Variants in GPI observed in about 807,000 individuals in gnomAD.
GPI encodes the protein glucose-6-phosphate isomerase, also known as D-hexose-6-phosphate anomerase.
In GPI, 56 loss-of-function variants were observed where a neutral mutation model predicts 75.8. That is an observed-to-expected ratio of 0.74 (90% confidence interval 0.60 to 0.92). The LOEUF (loss-of-function observed/expected upper bound fraction) is 0.92. GPI is among the 40% of genes least tolerant of loss of function. The pLI is 0.00. For synonymous variants in GPI, 288 were observed against 285.4 expected (o/e 1.01, Z -0.09); for missense variants, 638 against 741.0 (o/e 0.86, Z 1.61).
At chr19:34,380,138 A>G (rs1488382839) in intron 8 of GPI, among the ~76,000 whole-genome samples, 1 of 150,864 alleles carries the variant, frequency 6.6e-6, no homozygotes, top group Non-Finnish European at 1.5e-5. Flanking sequence ...CTGGGATTAC[A>G]GGTGCACGCC....
intron 3 of GPI, among the ~76,000 whole-genome samples, chr19:34,368,051 C>T (rs1424966705): frequency 6.6e-6 from 1 of 152,174 alleles, no homozygotes; most frequent in African/African-American, 2.4e-5. Flanking sequence ...TCCTGAGTAG[C>T]TGGAACTACA....
chr19:34,376,103 G>A (rs1403725896), intron 4 of GPI, among the ~76,000 whole-genome samples: 2 of 152,216 alleles, frequency 1.3e-5, no homozygotes, highest in African/African-American at 4.8e-5. Flanking sequence ...AGTTGGTGGT[G>A]AGTGTGGCAG....
chr19:34,366,113 AG>A (rs1568324061), intron 1 of GPI: 1 of 692,738 alleles, frequency 1.4e-6, no homozygotes, highest in South Asian at 1.5e-5. Flanking sequence ...CTCCTCATCC[AG>A]GGTCTGCCTG....
chr19:34,372,843 G>A (rs1186902172), intron 4 of GPI, among the ~76,000 whole-genome samples: 3 of 151,924 alleles, frequency 2.0e-5, no homozygotes, highest in Non-Finnish European at 2.9e-5. Context: ...GCCTGATCTC[G>A]GTTCACTGCA....
At chr19:34,365,851 G>A in intron 1 of GPI, 1 of 470,874 alleles carries the variant, frequency 2.1e-6, no homozygotes. Flanking sequence ...GGATGGAGAC[G>A]TCGGGCGTGA....
intron 4 of GPI, 105 bp from the exon 5 acceptor site, chr19:34,377,398 C>G: frequency 1.4e-6 from 1 of 723,248 alleles, no homozygotes; most frequent in South Asian, 1.5e-5. Flanking sequence ...CCTGCGAGGG[C>G]CTGAAAGCTG....
intron 9 of GPI, among the ~76,000 whole-genome samples, chr19:34,387,585 T>G (rs1206724016): frequency 1.3e-5 from 2 of 151,890 alleles, no homozygotes; most frequent in African/African-American, 4.9e-5. Context: ...CCAGGCTCAG[T>G]GCTGGTATGT....
chr19:34,396,538 C>G, intron 13 of GPI, 43 bp from the exon 14 acceptor site: 1 of 1,611,142 alleles, frequency 6.2e-7, no homozygotes, highest in Middle Eastern at 1.7e-4. Context: ...TGGCTAGCTC[C>G]CATGGGCTGG....
chr19:34,361,167 T>C (rs1199649177), upstream of GPI, among the ~76,000 whole-genome samples: 2 of 151,978 alleles, frequency 1.3e-5, no homozygotes, highest in Non-Finnish European at 2.9e-5. Context: ...TTCAGCTCAC[T>C]GTAAGCTCTG....
At chr19:34,361,757 G>A (rs1258894394), upstream of GPI, among the ~76,000 whole-genome samples, 1 of 151,910 alleles carries the variant, frequency 6.6e-6, no homozygotes, top group Non-Finnish European at 1.5e-5. Flanking sequence ...GAGGTGGGTG[G>A]ATTACCTTAG....
intron 3 of GPI, among the ~76,000 whole-genome samples, chr19:34,368,104 A>C (rs557965424): frequency 3.3e-5 from 5 of 152,116 alleles, no homozygotes; most frequent in Non-Finnish European, 7.4e-5. Context: ...TATTTTTAGT[A>C]GAGACAGGAT....
chr19:34,377,952 C>A, intron 6 of GPI, 71 bp downstream of exon 6: 1 of 1,530,404 alleles, frequency 6.5e-7, no homozygotes, highest in Non-Finnish European at 9.1e-7. Context: ...GCTGTCTTGC[C>A]ATCCCCCTGG....
upstream of GPI, chr19:34,365,133 G>GGGGCC (rs36206349): frequency 6.2e-5 from 78 of 1,251,354 alleles, no homozygotes; most frequent in Admixed American, 3.1e-4. Context: ...GCTCAGGGGT[G>GGGGCC]GGGCCGGGCC....
At chr19:34,378,177 C>A (rs550129405) in intron 6 of GPI, among the ~76,000 whole-genome samples, 74 of 152,022 alleles carry the variant, frequency 4.9e-4, no homozygotes, top group African/African-American at 1.7e-3. Context: ...ACAAACCTGT[C>A]CTTTATGCCT....
At chr19:34,371,059 A>G (rs1487800406) in intron 4 of GPI, among the ~76,000 whole-genome samples, 1 of 152,226 alleles carries the variant, frequency 6.6e-6, no homozygotes, top group Non-Finnish European at 1.5e-5. Flanking sequence ...AGTGCATTAA[A>G]AGCCTAGTGC....
At chr19:34,380,979 CT>C (rs1223504737) in intron 8 of GPI, 1 of 277,504 alleles carries the variant, frequency 3.6e-6, no homozygotes, top group East Asian at 9.0e-5. Context: ...CTGATGGCTC[CT>C]CAGAGCTTCC....
intron 9 of GPI, among the ~76,000 whole-genome samples, chr19:34,386,633 C>T (rs1311097998): frequency 6.6e-6 from 1 of 152,154 alleles, no homozygotes; most frequent in East Asian, 1.9e-4. Context: ...CCAGGTCAAC[C>T]CCATAGCATG....
rs2074405016 is a variant in GPI at position 34,368,712 on chromosome 19, T to C, written c.402+10T>C. 1 of 1,614,030 alleles carries C rather than the reference T, an allele frequency of 6.2e-7. No individual in the cohort carries two copies. On this transcript the variant is annotated intron_variant, in intron 4 of 17. Transcript: ENST00000356487. Reference sequence around the variant, plus strand: ...GAAGTCTTTCTGCCAGGTAAGTGGCTACTGGGCCGGACTCACCCTTGGCCG... The same window carrying C: ...GAAGTCTTTCTGCCAGGTAAGTGGCCACTGGGCCGGACTCACCCTTGGCCG...
intron 9 of GPI, among the ~76,000 whole-genome samples, chr19:34,383,502 C>G (rs1332920203): frequency 6.6e-6 from 1 of 152,122 alleles, no homozygotes; most frequent in Non-Finnish European, 1.5e-5. Context: ...GCTGATTGCA[C>G]AAGTTTAGAA....
Sources: gnomAD v4.1 joint callset for allele counts (sites outside exome capture counted in the v4.1 genomes callset) on GRCh38, gnomAD v4.1.1 for gene constraint, MANE v1.5 for transcripts, NCBI Gene and HGNC (gene_info 2026-07-23, HGNC 2026-07-21) for gene names.